RABEP1: variants seen among roughly 807,000 people sequenced by gnomAD.
RABEP1 encodes the protein rabaptin, RAB GTPase binding effector protein 1, also known as rab GTPase-binding effector protein 1.
In RABEP1, 51 loss-of-function variants were observed where a neutral mutation model predicts 123.4. That is an observed-to-expected ratio of 0.41 (90% CI 0.33 to 0.52). The LOEUF is 0.52. RABEP1 is among the 20% of genes least tolerant of loss of function. The pLI is 0.16. For missense variants in RABEP1, 888 were observed against 996.3 expected (o/e 0.89, Z 1.46); for synonymous variants, 347 against 355.2 (o/e 0.98, Z 0.26).
intron 1 of RABEP1, among the ~76,000 whole-genome samples, chr17:5,307,651 G>T (rs1378580136): frequency 1.3e-5 from 2 of 152,288 alleles, no homozygotes; most frequent in Non-Finnish European, 2.9e-5. Flanking sequence ...GAGATCAGGG[G>T]TTTGCACAGC....
chr17:5,306,014 T>A (rs1318339762), intron 1 of RABEP1, among the ~76,000 whole-genome samples: 1 of 152,200 alleles, frequency 6.6e-6, no homozygotes, highest in African/African-American at 2.4e-5. Flanking sequence ...AAATCTATAG[T>A]GAGGCTAGTT....
rs191528910 is a variant in RABEP1, at chr17:5,348,014, G to A, written c.784+1089G>A. Reference sequence around the variant, plus strand: ...TTTTTTGAGACAGAGGTTCATTCTTGTTGCCCAGGCTGGAGTGCAGTGGTG... The same window carrying A: ...TTTTTTGAGACAGAGGTTCATTCTTATTGCCCAGGCTGGAGTGCAGTGGTG... On this transcript the variant is annotated intron_variant, in intron 6 of 17. Coordinates refer to ENST00000537505, the MANE Select transcript of RABEP1 (RefSeq NM_004703.6). Among the ~76,000 whole-genome samples, 92 of 152,280 alleles carry A rather than the reference G, an allele frequency of 6.0e-4. 1 individual carries two copies. Among genetic ancestry groups the A allele is most frequent in the Admixed American group, 1.6e-3 (25 of 15,294 alleles).
chr17:5,352,444 C>T (rs886716109), intron 7 of RABEP1, among the ~76,000 whole-genome samples: 2 of 151,724 alleles, frequency 1.3e-5, no homozygotes, highest in African/African-American at 2.4e-5. Flanking sequence ...CTGCCCGTCT[C>T]GGCCTCCCAA....
intron 5 of RABEP1, among the ~76,000 whole-genome samples, chr17:5,344,209 A>G (rs937117171): frequency 6.6e-6 from 1 of 152,094 alleles, no homozygotes; most frequent in African/African-American, 2.4e-5. Context: ...TAATCCCAGT[A>G]TTTAGATTGC....
intron 1 of RABEP1, among the ~76,000 whole-genome samples, chr17:5,285,679 A>T (rs2074971072): frequency 6.6e-6 from 1 of 152,206 alleles, no homozygotes; most frequent in South Asian, 2.1e-4. Context: ...GGTACTATTG[A>T]ATATTACTGC....
chr17:5,284,998 G>A (rs1031264481), intron 1 of RABEP1, among the ~76,000 whole-genome samples: 1 of 151,732 alleles, frequency 6.6e-6, no homozygotes, highest in Admixed American at 6.6e-5. Flanking sequence ...AATATTGTCT[G>A]TTTTTCATGG....
chr17:5,378,460 G>C (rs1911182186), intron 15 of RABEP1: 1 of 613,290 alleles, frequency 1.6e-6, no homozygotes. Context: ...AGATGTGACT[G>C]TGGCCTGGAG....
chr17:5,360,439 G>A (rs1452459839), intron 8 of RABEP1, among the ~76,000 whole-genome samples: 4 of 152,364 alleles, frequency 2.6e-5, no homozygotes, highest in African/African-American at 9.6e-5. Flanking sequence ...GCGGGCACCT[G>A]TAGTCCCAGC....
chr17:5,289,505 G>GA (rs1325082828), intron 1 of RABEP1, among the ~76,000 whole-genome samples: 1 of 149,886 alleles, frequency 6.7e-6, no homozygotes, highest in African/African-American at 2.5e-5. Flanking sequence ...TATTTAAAGA[G>GA]AAAAAACCTT....
chr17:5,355,089 C>T (rs1201986124), intron 8 of RABEP1, among the ~76,000 whole-genome samples: 4 of 152,202 alleles, frequency 2.6e-5, no homozygotes, highest in South Asian at 2.1e-4. Context: ...CATTCCACTG[C>T]GTCCTCAGCA....
At position 5,365,267 on chromosome 17, in the gene RABEP1, A is replaced by C. The variant is rs553789952; in HGVS notation, c.1785+29A>C. 47 of 1,403,542 alleles carry C rather than the reference A, an allele frequency of 3.3e-5. 1 individual carries two copies. The South Asian group carries it at 6.4e-4, about 19-fold the overall frequency. The allele number at this position is 1,403,542 out of a possible 1,614,324, so 86.9% of individuals were successfully genotyped here. A position where few individuals can be genotyped will look rare whatever the true frequency, so the allele number is the denominator to read the frequency against. On this transcript the variant is annotated intron_variant, in intron 11 of 17. Transcript: ENST00000537505. ...AGGGAGGGTTTATAGACTGTGGCCC[A>C]TGAGGGATGACTGGGTTATTTAAAT... is the stretch of plus-strand genomic sequence containing the variant.
At chr17:5,338,661 C>A (rs1432729515) in intron 5 of RABEP1, among the ~76,000 whole-genome samples, 1 of 152,188 alleles carries the variant, frequency 6.6e-6, no homozygotes, top group South Asian at 2.1e-4. Context: ...GATGTTTTAT[C>A]ACAAGTGGCT....
Position 5,338,015 on chromosome 17 carries a change from A to C in RABEP1, c.529-4A>C. 6.2e-7 allele frequency: 1 copy of C among 1,605,958 alleles called. No individual in the cohort carries two copies. On this transcript the variant is annotated splice_region_variant and splice_polypyrimidine_tract_variant and intron_variant, in intron 4 of 17. Transcript: ENST00000537505. The stretch of plus-strand genomic sequence containing the variant: ...TCGTAGCATTTAATTCTTTTTAACC[A>C]TAGGCCCAAGAGGATGCTGAGAAAC...
intron 2 of RABEP1, among the ~76,000 whole-genome samples, chr17:5,317,626 G>GAGATATATATATAT (rs1371632061): frequency 6.7e-6 from 1 of 149,522 alleles, no homozygotes; most frequent in Non-Finnish European, 1.5e-5. Flanking sequence ...TACTGGAAAG[G>GAGATATATATATAT]ATATATATAT....
At chr17:5,345,197 G>C (rs575980015) in intron 5 of RABEP1, among the ~76,000 whole-genome samples, 23 of 152,270 alleles carry the variant, frequency 1.5e-4, no homozygotes, top group African/African-American at 5.3e-4. Context: ...TCCGTTTAAG[G>C]CACTGTTGTC....
intron 2 of RABEP1, among the ~76,000 whole-genome samples, chr17:5,311,280 C>T (rs1375798247): frequency 1.3e-5 from 2 of 151,976 alleles, no homozygotes; most frequent in Non-Finnish European, 2.9e-5. Context: ...AAACTACTGG[C>T]CTAAAGTAAC....
In RABEP1 at chr17:5,383,386, A is replaced by T; in HGVS notation, c.*163A>T. 4.8e-6 allele frequency: 3 copies of T among 625,602 alleles called. 1 individual carries two copies. Among genetic ancestry groups the T allele is most frequent in the South Asian group, 3.9e-5 (2 of 50,850 alleles). The allele number at this position is 625,602 out of a possible 1,614,324, so 38.8% of individuals were successfully genotyped here. ...GGGAGAAGACTGTGCGGCACAGGAA[A>T]CAGCAAACAGTGGGGTGATCTGCAG... On this transcript the variant is annotated 3_prime_UTR_variant, in exon 18 of 18. Coordinates refer to ENST00000537505, the MANE Select transcript of RABEP1 (RefSeq NM_004703.6).
intron 5 of RABEP1, among the ~76,000 whole-genome samples, chr17:5,344,627 C>A (rs1907906998): frequency 6.6e-6 from 1 of 151,564 alleles, no homozygotes; most frequent in South Asian, 2.1e-4. Flanking sequence ...GAAAAATTAG[C>A]CGGGCGTGGT....
At chr17:5,293,324 T>C (rs2075050595) in intron 1 of RABEP1, among the ~76,000 whole-genome samples, 1 of 152,184 alleles carries the variant, frequency 6.6e-6, no homozygotes, top group African/African-American at 2.4e-5. Context: ...TCTTTCTCTC[T>C]ATATATATCT....
Sources: allele counts gnomAD v4.1 joint callset (sites outside exome capture counted in the v4.1 genomes callset), GRCh38; gene constraint gnomAD v4.1.1; transcripts MANE v1.5; gene names NCBI Gene and HGNC (gene_info 2026-07-23, HGNC 2026-07-21).